Variants in IPO7 observed in about 807,000 individuals in gnomAD.
The protein encoded by IPO7 is importin 7, also known as importin-7.
Under a neutral mutation model 136.4 loss-of-function variants are expected in IPO7, and 13 were observed. That is an observed-to-expected ratio of 0.10 (90% CI 0.06 to 0.15). The LOEUF (loss-of-function observed/expected upper bound fraction) is 0.15. Ranked by LOEUF, IPO7 falls within the 10% of genes least tolerant of loss-of-function variation. The pLI is 1.00. For synonymous variants in IPO7, 403 were observed against 404.4 expected (o/e 1.00, Z 0.04); for missense variants, 857 against 1,240.6 (o/e 0.69, Z 4.65).
intron 22 of IPO7, among the ~76,000 whole-genome samples, chr11:9,439,494 G>T (rs1465462091): frequency 6.6e-6 from 1 of 152,138 alleles, no homozygotes; most frequent in East Asian, 1.9e-4. Flanking sequence ...CTTGGCAGAT[G>T]GCACTGAATT....
At chr11:9,410,186 A>G (rs775061915) in intron 4 of IPO7, 100 bp downstream of exon 4, 13 of 748,234 alleles carry the variant, frequency 1.7e-5, no homozygotes, top group Non-Finnish European at 2.3e-5. Flanking sequence ...AGCATAGATA[A>G]TAAAATTAGT....
At chr11:9,405,986 T>C (rs1854877201) in intron 2 of IPO7, among the ~76,000 whole-genome samples, 1 of 151,698 alleles carries the variant, frequency 6.6e-6, no homozygotes, top group South Asian at 2.1e-4. Context: ...ACTTCTGGGC[T>C]CAAATAATCT....
At chr11:9,388,858 C>T (rs143496879) in intron 1 of IPO7, among the ~76,000 whole-genome samples, 7 of 152,238 alleles carry the variant, frequency 4.6e-5, no homozygotes, top group South Asian at 2.1e-4. Context: ...CGTGCTACCA[C>T]GCCTGGCCTA....
At chr11:9,441,471 G>A (rs571921093) in intron 23 of IPO7, among the ~76,000 whole-genome samples, 1 of 152,318 alleles carries the variant, frequency 6.6e-6, no homozygotes, top group South Asian at 2.1e-4. Flanking sequence ...ACTGGGAACT[G>A]ATGAATATAT....
rs951449443 is a variant in IPO7 at position 9,445,615 on chromosome 11, T to C, written c.*421T>C. The C allele has an allele frequency of 6.4e-6, 1 of 156,054 alleles. No homozygotes were observed. The highest frequency in any genetic ancestry group is 1.4e-5 in the Non-Finnish European group (1 of 70,390). 9.7% of individuals were successfully genotyped at this position (156,054 alleles called of 1,614,324 possible). A position where few individuals can be genotyped will look rare whatever the true frequency, so the allele number is the denominator to read the frequency against. ...AAGGTAGATGTAATTTTTACACCTA[T>C]GAGTATTTGTCCAATTTCTGTCTCT... is the stretch of plus-strand genomic sequence containing the variant. On this transcript the variant is annotated 3_prime_UTR_variant, in exon 25 of 25. Coordinates refer to ENST00000379719, the MANE Select transcript of IPO7 (RefSeq NM_006391.3).
chr11:9,437,668 T>C, intron 20 of IPO7, 86 bp from the exon 21 acceptor site: 4 of 954,490 alleles, frequency 4.2e-6, no homozygotes, highest in Admixed American at 2.3e-5. Context: ...ATAGGGTTAA[T>C]TGAGGCAACA....
intron 8 of IPO7, among the ~76,000 whole-genome samples, chr11:9,421,603 G>A (rs1443159719): frequency 6.6e-6 from 1 of 150,980 alleles, no homozygotes; most frequent in Non-Finnish European, 1.5e-5. Flanking sequence ...ACTCCAGCCT[G>A]GGTTACAGAG....
At chr11:9,397,341 A>AAAAAAAATATATATATATATATAT in intron 1 of IPO7, among the ~76,000 whole-genome samples, 3 of 10,756 alleles carry the variant, frequency 2.8e-4, no homozygotes, top group African/African-American at 2.5e-4. Flanking sequence ...TTTAAAAAAA[A>AAAAAAAATATATATATATATATAT]ATATATATAT....
At chr11:9,426,914 C>T (rs994092447) in intron 12 of IPO7, among the ~76,000 whole-genome samples, 2 of 151,458 alleles carry the variant, frequency 1.3e-5, no homozygotes, top group Admixed American at 6.6e-5. Context: ...TCCCCGCCCC[C>T]CCGCCATATG....
chr11:9,407,879 GT>G (rs1564995086), intron 2 of IPO7, among the ~76,000 whole-genome samples: 1 of 152,136 alleles, frequency 6.6e-6, no homozygotes, highest in Non-Finnish European at 1.5e-5. Flanking sequence ...CACTTCATCA[GT>G]TTGTTAACTT....
At chr11:9,398,242 A>G (rs1854743114) in intron 1 of IPO7, among the ~76,000 whole-genome samples, 5 of 152,230 alleles carry the variant, frequency 3.3e-5, no homozygotes, top group Admixed American at 2.6e-4. Context: ...GCCACGTGTC[A>G]TATGAAGAAC....
intron 5 of IPO7, chr11:9,414,687 G>T (rs576045651): frequency 6.1e-6 from 1 of 163,578 alleles, no homozygotes; most frequent in Non-Finnish European, 1.2e-5. Context: ...GTGCAGTGGC[G>T]TGATCTCGGC....
In IPO7 at chr11:9,385,209, C is replaced by T. The variant is rs1316399348; in HGVS notation, c.84+362C>T. Among the ~76,000 whole-genome samples the T allele has an allele frequency of 3.9e-5, 6 of 152,270 alleles. No homozygotes were observed. The South Asian group carries it at 1.2e-3, about 32-fold the overall frequency. ...CACGTCCAGGAGGGGGCGAAACTTACTGGGAGGTTTTTCAGATGTTTCTGA... is the reference window on the plus strand; with the variant it reads ...CACGTCCAGGAGGGGGCGAAACTTATTGGGAGGTTTTTCAGATGTTTCTGA... On this transcript the variant is annotated intron_variant, in intron 1 of 24. Transcript: ENST00000379719.
At chr11:9,431,803 T>C (rs1855298071) in intron 16 of IPO7, among the ~76,000 whole-genome samples, 1 of 151,964 alleles carries the variant, frequency 6.6e-6, no homozygotes, top group African/African-American at 2.4e-5. Context: ...GTGAAACCCC[T>C]GTCTCTACTA....
At chr11:9,415,996 G>A (rs1349960713) in intron 5 of IPO7, among the ~76,000 whole-genome samples, 2 of 152,078 alleles carry the variant, frequency 1.3e-5, no homozygotes, top group Non-Finnish European at 2.9e-5. Context: ...TAAGATCATT[G>A]GTTCAAGTCA....
intron 6 of IPO7, 50 bp downstream of exon 6, chr11:9,417,198 T>A: frequency 2.4e-6 from 2 of 818,904 alleles, no homozygotes; most frequent in Non-Finnish European, 4.1e-6. Flanking sequence ...TATTTAATGA[T>A]CTTTTGAAGA....
In IPO7 at chr11:9,410,104, C is replaced by A; in HGVS notation, c.479+18C>A. 1 of 1,549,928 alleles carries A rather than the reference C, an allele frequency of 6.5e-7. No individual in the cohort carries two copies. Among genetic ancestry groups the A allele is most frequent in the Non-Finnish European group, 8.7e-7 (1 of 1,149,384 alleles). ...AATTATGAGTAAGTGTTTCTTTCAA[C>A]TCCTATAGAGCTTTGAGAAGTAGGA... On this transcript the variant is annotated intron_variant, in intron 4 of 24. Coordinates refer to ENST00000379719, the MANE Select transcript of IPO7 (RefSeq NM_006391.3).
chr11:9,442,914 T>A (rs557132761), intron 24 of IPO7, among the ~76,000 whole-genome samples: 3 of 152,172 alleles, frequency 2.0e-5, no homozygotes, highest in African/African-American at 7.2e-5. Context: ...TCCCAGCTAC[T>A]CAGGAGGCTG....
intron 8 of IPO7, 56 bp from the exon 9 acceptor site, chr11:9,422,950 A>T (rs1590443152): frequency 8.7e-7 from 1 of 1,149,856 alleles, no homozygotes. Flanking sequence ...ACTGGCTTGT[A>T]AGTGGTTGAA....
Sources: gnomAD v4.1 joint callset for allele counts (sites outside exome capture counted in the v4.1 genomes callset) on GRCh38, gnomAD v4.1.1 for gene constraint, MANE v1.5 for transcripts, NCBI Gene and HGNC (gene_info 2026-07-23, HGNC 2026-07-21) for gene names.